The following MRO variants were observed in gnomAD, a reference collection of about 807,000 sequenced individuals.
MRO encodes the protein maestro.
In MRO, 28 loss-of-function variants were observed where a neutral mutation model predicts 31.0. That is an observed-to-expected ratio of 0.90 (90% CI 0.67 to 1.24). The LOEUF (loss-of-function observed/expected upper bound fraction) is 1.24. Ranked by LOEUF, MRO falls within the 50% of genes most tolerant of loss-of-function variation. The pLI is 0.00. For missense variants in MRO, 332 were observed against 289.2 expected (o/e 1.15, Z -1.07); for synonymous variants, 108 against 108.4 (o/e 1.00, Z 0.02).
chr18:50,807,203 T>G (rs1333900383), intron 3 of MRO, among the ~76,000 whole-genome samples: 1 of 152,140 alleles, frequency 6.6e-6, no homozygotes. Flanking sequence ...CAGGGAAAGG[T>G]GTGCCGTTAC....
chr18:50,813,748 G>C (rs1046537435), intron 2 of MRO, among the ~76,000 whole-genome samples: 2 of 152,164 alleles, frequency 1.3e-5, no homozygotes, highest in African/African-American at 2.4e-5. Flanking sequence ...ACCAAGTACT[G>C]CATGTTCTCA....
In MRO at chr18:50,800,671, G is replaced by C. The variant is rs183442010; in HGVS notation, c.586-528C>G. On this transcript the variant is annotated intron_variant, in intron 6 of 7. Coordinates refer to ENST00000398439, the MANE Select transcript of MRO (RefSeq NM_031939.6). ...AGGCTGAGGTGGGTGGATCACCTGA[G>C]GTCAGGAGTTCGAGACCAGCCTGGC... Among the ~76,000 whole-genome samples, 12 of 152,268 alleles carry C rather than the reference G, an allele frequency of 7.9e-5. No homozygotes were observed. The East Asian group carries it at 2.3e-3, about 29-fold the overall frequency.
intron 6 of MRO, 40 bp downstream of exon 6, chr18:50,801,309 T>C: frequency 6.6e-7 from 1 of 1,516,662 alleles, no homozygotes; most frequent in Non-Finnish European, 8.9e-7. Flanking sequence ...ATGAATAGCA[T>C]GGAGATGTCA....
intron 5 of MRO, among the ~76,000 whole-genome samples, chr18:50,801,728 T>C (rs1236434520): frequency 1.3e-5 from 2 of 152,202 alleles, no homozygotes; most frequent in Non-Finnish European, 2.9e-5. Flanking sequence ...AAGGCTTCAA[T>C]GAACCTCTTC....
chr18:50,811,481 T>G (rs1399365362), intron 2 of MRO, among the ~76,000 whole-genome samples: 2 of 152,214 alleles, frequency 1.3e-5, no homozygotes, highest in Non-Finnish European at 2.9e-5. Context: ...CTGGCTTCTT[T>G]TTCTTAGTAT....
intron 2 of MRO, among the ~76,000 whole-genome samples, chr18:50,818,166 C>G (rs556018397): frequency 6.6e-6 from 1 of 152,228 alleles, no homozygotes; most frequent in Non-Finnish European, 1.5e-5. Flanking sequence ...TATACAGATT[C>G]CAAGATTTCT....
At chr18:50,805,937 T>C (rs1913873802) in intron 4 of MRO, among the ~76,000 whole-genome samples, 1 of 151,662 alleles carries the variant, frequency 6.6e-6, no homozygotes, top group Non-Finnish European at 1.5e-5. Context: ...CCTACGGACA[T>C]GACTTTACAT....
chr18:50,816,632 A>G (rs1246328287), intron 2 of MRO, among the ~76,000 whole-genome samples: 1 of 152,220 alleles, frequency 6.6e-6, no homozygotes, highest in African/African-American at 2.4e-5. Context: ...TTTCCAAACC[A>G]TGATCTAAAT....
At chr18:50,824,320 G>T (rs993834170), upstream of MRO, among the ~76,000 whole-genome samples, 7 of 152,108 alleles carry the variant, frequency 4.6e-5, no homozygotes, top group South Asian at 1.5e-3. Context: ...ATGTACCTGT[G>T]GTCCTAGCTA....
Position 50,799,403 on chromosome 18 carries a change from A to G in MRO, c.694-13T>C. On this transcript the variant is annotated splice_polypyrimidine_tract_variant and intron_variant, in intron 7 of 7. Coordinates refer to ENST00000398439, the MANE Select transcript of MRO (RefSeq NM_031939.6). ...GATGATAGTGGCTCTGAAAGAAATT[A>G]GCAAAGGTACGCGTGAGGGCAGGAT... 1 of 1,613,524 alleles carries G rather than the reference A, an allele frequency of 6.2e-7. No homozygotes were observed. Among genetic ancestry groups the G allele is most frequent in the Non-Finnish European group, 8.5e-7 (1 of 1,179,446 alleles).
intron 2 of MRO, 49 bp from the exon 3 acceptor site, chr18:50,809,453 CAACA>C (rs771159186): frequency 1.5e-6 from 2 of 1,295,028 alleles, no homozygotes; most frequent in African/African-American, 2.9e-5. Context: ...CACTCATCAT[CAACA>C]AACATTGTTG....
At position 50,801,514 on chromosome 18, in the gene MRO, C is replaced by T. The variant is rs767474667; in HGVS notation, c.430-10G>A. ...TCAGACTGTCGTTCTCCTGCGGTCC[C>T]CATCAACAAAACAATAAGAAAGCCA... is the stretch of plus-strand genomic sequence containing the variant. On this transcript the variant is annotated splice_polypyrimidine_tract_variant and intron_variant, in intron 5 of 7. Coordinates refer to ENST00000398439, the MANE Select transcript of MRO (RefSeq NM_031939.6). 9.5e-6 allele frequency: 15 copies of T among 1,574,378 alleles called. No homozygotes were observed. The South Asian group carries it at 1.7e-4, about 17-fold the overall frequency.
In MRO at chr18:50,819,158, G is replaced by T. The variant is rs570807105; in HGVS notation, c.-5+423C>A. 5.3e-5 allele frequency among the ~76,000 whole-genome samples: 8 copies of T among 152,250 alleles called. 1 individual carries two copies. In the South Asian group the frequency reaches 1.7e-3, roughly 32 times the overall value. On this transcript the variant is annotated intron_variant, in intron 2 of 7. Transcript: ENST00000398439. ...AACAATTAACTCAAAGTCAAATACT[G>T]GCAGAGCAGATTTTAGGACTCTGAA...
At chr18:50,824,780 C>CAA (rs1214268733), upstream of MRO, among the ~76,000 whole-genome samples, 1 of 105,556 alleles carries the variant, frequency 9.5e-6, no homozygotes, top group Non-Finnish European at 2.0e-5. Flanking sequence ...AAAAAAAGTT[C>CAA]AAAAAAAAAA....
At chr18:50,810,558 A>C (rs1409507518) in intron 2 of MRO, among the ~76,000 whole-genome samples, 1 of 152,156 alleles carries the variant, frequency 6.6e-6, no homozygotes, top group African/African-American at 2.4e-5. Context: ...AGGGAAACTT[A>C]CTTTTTTCAC....
At chr18:50,806,567 T>C (rs985849781) in intron 4 of MRO, 137 bp downstream of exon 4, 5 of 1,044,896 alleles carry the variant, frequency 4.8e-6, no homozygotes, top group East Asian at 4.8e-5. Flanking sequence ...TGCTGTAAGC[T>C]GCTAAGTGTG....
upstream of MRO, chr18:50,820,089 C>T (rs1915247314): frequency 1.1e-6 from 1 of 880,694 alleles, no homozygotes; most frequent in South Asian, 1.5e-5. Flanking sequence ...GAGATGGCGG[C>T]ATGACTCAAT....
chr18:50,813,292 G>A (rs1914618754), intron 2 of MRO, among the ~76,000 whole-genome samples: 1 of 152,128 alleles, frequency 6.6e-6, no homozygotes, highest in Non-Finnish European at 1.5e-5. Context: ...CTGCAATGGG[G>A]CACCAAAATA....
upstream of MRO, chr18:50,823,809 G>T: frequency 4.9e-6 from 1 of 204,776 alleles, no homozygotes; most frequent in South Asian, 9.2e-5. Flanking sequence ...AATGGGGCTG[G>T]ACACAGGATT....
Sources: gnomAD v4.1 joint callset for allele counts (sites outside exome capture counted in the v4.1 genomes callset) on GRCh38, gnomAD v4.1.1 for gene constraint, MANE v1.5 for transcripts, NCBI Gene and HGNC (gene_info 2026-07-23, HGNC 2026-07-21) for gene names.